The following JDP2 variants were observed in gnomAD, a reference collection of about 807,000 sequenced individuals.
JDP2 encodes progesterone receptor co-activator.
In JDP2, 9 loss-of-function variants were observed where a neutral mutation model predicts 17.1. The observed-to-expected ratio is 0.53, with a 90% CI of 0.32 to 0.92. The LOEUF is 0.92. Among genes scored for constraint, JDP2 ranks in the 40% least tolerant of loss-of-function variants. The pLI is 0.04. For missense variants in JDP2, 179 were observed against 220.0 expected (o/e 0.81, Z 1.18); for synonymous variants, 107 against 95.6 (o/e 1.12, Z -0.69).
intron 3 of JDP2, among the ~76,000 whole-genome samples, chr14:75,469,072 A>T (rs1042557002): frequency 2.6e-5 from 4 of 152,190 alleles, no homozygotes; most frequent in Non-Finnish European, 5.9e-5. Context: ...CTGGCCCTAG[A>T]ATATAACCTG....
chr14:75,469,581 C>A lies in JDP2; in HGVS notation c.*106C>A. 1 of 978,368 alleles carries A rather than the reference C, an allele frequency of 1.0e-6. No individual in the cohort carries two copies. The highest frequency in any genetic ancestry group is 1.5e-6 in the Non-Finnish European group (1 of 663,612). The allele number at this position is 978,368 out of a possible 1,614,324, so 60.6% of individuals were successfully genotyped here. ...GGCCCTTCCTTTGGTGCATGAAAAA[C>A]TGTACAATGAGGTTCAGCACAGCCA... On this transcript the variant is annotated 3_prime_UTR_variant, in exon 4 of 4. Transcript: ENST00000651602.
chr14:75,431,435 C>T (rs1884793332), intron 1 of JDP2, among the ~76,000 whole-genome samples: 1 of 152,178 alleles, frequency 6.6e-6, no homozygotes, highest in African/African-American at 2.4e-5. Context: ...GCTACCGCTC[C>T]TTGTCTTCTT....
chr14:75,471,771 C>A lies in JDP2; in HGVS notation c.*2296C>A. The A allele has an allele frequency of 6.4e-6, 1 of 157,362 alleles. No homozygotes were observed. Among genetic ancestry groups the A allele is most frequent in the South Asian group, 1.8e-4 (1 of 5,710 alleles). The allele number at this position is 157,362 out of a possible 1,614,324, so 9.7% of individuals were successfully genotyped here. A position where few individuals can be genotyped will look rare whatever the true frequency, so the allele number is the denominator to read the frequency against. On this transcript the variant is annotated 3_prime_UTR_variant, in exon 4 of 4. Coordinates refer to ENST00000651602, the MANE Select transcript of JDP2 (RefSeq NM_001135048.2). ...TGTGGCAGCGGGTTGCCTTCTGTCT[C>A]GGGGGTCTTGAGGCTGTCGGTCCGG...
At chr14:75,438,310 C>T (rs938229303) in intron 2 of JDP2, among the ~76,000 whole-genome samples, 189 bp downstream of exon 2, 1 of 152,074 alleles carries the variant, frequency 6.6e-6, no homozygotes, top group Non-Finnish European at 1.5e-5. Context: ...TAACAAGATC[C>T]CCCAGGGATT....
chr14:75,437,172 C>CAAAA (rs11302124), intron 1 of JDP2, among the ~76,000 whole-genome samples: 2 of 98,014 alleles, frequency 2.0e-5, no homozygotes, highest in African/African-American at 3.8e-5. Context: ...CCAGCCTGGG[C>CAAAA]AAAAAAAAAA....
intron 1 of JDP2, among the ~76,000 whole-genome samples, chr14:75,433,341 G>T (rs1884905463): frequency 6.8e-6 from 1 of 146,256 alleles, no homozygotes. Context: ...CACAAAAAAT[G>T]AGAGAGGAAA....
rs1333590345 is a variant in JDP2, at chr14:75,430,747, G to A, written c.-24+2495G>A. 6.6e-6 allele frequency among the ~76,000 whole-genome samples: 1 copy of A among 152,054 alleles called. No homozygotes were observed. The highest frequency in any genetic ancestry group is 2.4e-5 in the African/African-American group (1 of 41,390). On this transcript the variant is annotated intron_variant, in intron 1 of 3. Transcript: ENST00000651602. This position sits in a 1 kb window ranked among gnomAD's most constrained non-coding sequence, Gnocchi z 4.5. ...GTATTACCAGCTCTGGAACTTAGGGGCTGCCAAGCTCCATGTGCCTGTGTA... is the reference window on the plus strand; with the variant it reads ...GTATTACCAGCTCTGGAACTTAGGGACTGCCAAGCTCCATGTGCCTGTGTA...
chr14:75,444,416 G>A (rs576552770), intron 2 of JDP2, among the ~76,000 whole-genome samples: 31 of 152,328 alleles, frequency 2.0e-4, no homozygotes, highest in East Asian at 1.9e-3. Context: ...GGTCTGAGGC[G>A]TTGCAGGAGC....
rs1371768594 is a variant in JDP2, at chr14:75,469,370, C to T, written c.387C>T (p.Ile129=). The T allele has an allele frequency of 1.2e-6, 2 of 1,614,112 alleles. No homozygotes were observed. The highest frequency in any genetic ancestry group is 4.5e-5 in the East Asian group (2 of 44,888). Residue 129 remains isoleucine (I), a synonymous_variant, in exon 4 of 4, where the codon ATC becomes ATT. Transcript: ENST00000651602. ...TGAAGCAGGAGCGGCAGCAGCTCAT[C>T]CTGATGCTGAACCGACACCGCCCCA... is the stretch of plus-strand genomic sequence containing the variant. ...EELKQERQQL[I]LMLNRHRPTC...
rs995841622 is a variant in JDP2, at chr14:75,430,709, G to A, written c.-24+2457G>A. Among the ~76,000 whole-genome samples, 2 of 152,046 alleles carry A rather than the reference G, an allele frequency of 1.3e-5. No homozygotes were observed. Among genetic ancestry groups the A allele is most frequent in the Non-Finnish European group, 2.9e-5 (2 of 68,024 alleles). Reference sequence around the variant, plus strand: ...CATTCTGTTGCTTGTCTTGGCAGTCGGTTCCGTGGCTTGTATTACCAGCTC... The same window carrying A: ...CATTCTGTTGCTTGTCTTGGCAGTCAGTTCCGTGGCTTGTATTACCAGCTC... On this transcript the variant is annotated intron_variant, in intron 1 of 3. Coordinates refer to ENST00000651602, the MANE Select transcript of JDP2 (RefSeq NM_001135048.2). The surrounding 1 kb of genome is among the most constrained non-coding windows in gnomAD (Gnocchi z 4.5).
At chr14:75,446,935 T>C (rs1295339938) in intron 2 of JDP2, among the ~76,000 whole-genome samples, 1 of 152,174 alleles carries the variant, frequency 6.6e-6, no homozygotes, top group African/African-American at 2.4e-5. Flanking sequence ...TGTTCCAGAA[T>C]TAGTAGCTAG....
chr14:75,453,618 G>T (rs1353585720), intron 2 of JDP2, among the ~76,000 whole-genome samples: 1 of 152,216 alleles, frequency 6.6e-6, no homozygotes, highest in Non-Finnish European at 1.5e-5. Context: ...ACCATGTGCG[G>T]CAGGGCTCAG....
At chr14:75,461,058 T>C (rs1389759532) in intron 2 of JDP2, among the ~76,000 whole-genome samples, 1 of 152,160 alleles carries the variant, frequency 6.6e-6, no homozygotes, top group Admixed American at 6.5e-5. Flanking sequence ...CAAATCCCCT[T>C]TTCTAATAAC....
intron 1 of JDP2, among the ~76,000 whole-genome samples, chr14:75,437,525 T>C (rs1885124317): frequency 6.6e-6 from 1 of 152,222 alleles, no homozygotes. Context: ...CTTAAGCGAA[T>C]TATCATTCTA....
intron 2 of JDP2, among the ~76,000 whole-genome samples, chr14:75,446,696 G>A (rs535444266): frequency 9.2e-5 from 14 of 152,132 alleles, no homozygotes; most frequent in African/African-American, 3.1e-4. Flanking sequence ...AGGGATATGA[G>A]GTTTCTTTTG....
At chr14:75,462,352 A>G (rs1886379114) in intron 3 of JDP2, among the ~76,000 whole-genome samples, 1 of 152,200 alleles carries the variant, frequency 6.6e-6, no homozygotes, top group South Asian at 2.1e-4. Context: ...TAATAATAAC[A>G]TAGGGGCGGG....
intron 1 of JDP2, among the ~76,000 whole-genome samples, chr14:75,429,423 A>G (rs1353834477): frequency 6.6e-6 from 1 of 152,014 alleles, no homozygotes; most frequent in Non-Finnish European, 1.5e-5. Flanking sequence ...TCTTAATTGG[A>G]GGAGCATCAG....
intron 1 of JDP2, 33 bp from the exon 2 acceptor site, chr14:75,437,865 C>G (rs958085468): frequency 6.7e-7 from 1 of 1,485,758 alleles, no homozygotes; most frequent in Non-Finnish European, 9.1e-7. Context: ...CCCAACCTGG[C>G]TGACTGTCCT....
chr14:75,459,074 G>C (rs1037085243), intron 2 of JDP2, among the ~76,000 whole-genome samples: 7 of 152,216 alleles, frequency 4.6e-5, no homozygotes, highest in African/African-American at 1.4e-4. Flanking sequence ...GTGCAGGATG[G>C]GGGTAGGGAT....
Sources: gnomAD v4.1 joint callset for allele counts (sites outside exome capture counted in the v4.1 genomes callset) on GRCh38, gnomAD v4.1.1 for gene constraint, Gnocchi (gnomAD v3.1) non-coding constraint, MANE v1.5 for transcripts, NCBI Gene and HGNC (gene_info 2026-07-23, HGNC 2026-07-21) for gene names.